RNF10: variants seen among roughly 807,000 people sequenced by gnomAD.
The protein encoded by RNF10 is E3 ubiquitin-protein ligase RNF10.
In RNF10, 38 loss-of-function variants were observed where a neutral mutation model predicts 91.4. That is an observed-to-expected ratio of 0.42 (90% CI 0.32 to 0.54). The LOEUF (loss-of-function observed/expected upper bound fraction) is 0.54. Ranked by LOEUF, RNF10 falls within the 20% of genes least tolerant of loss-of-function variation. The pLI, the probability that RNF10 is intolerant of heterozygous loss-of-function variation, is 0.16. For missense variants in RNF10, 945 were observed against 1,012.0 expected (o/e 0.93, Z 0.90); for synonymous variants, 364 against 366.3 (o/e 0.99, Z 0.07).
In RNF10 at chr12:120,563,373, C is replaced by T. The variant is rs745831090; in HGVS notation, c.1281C>T (p.Phe427=). 79 of 1,612,746 alleles carry T rather than the reference C, an allele frequency of 4.9e-5. No individual in the cohort carries two copies. The highest frequency in any genetic ancestry group is 1.6e-4 in the Middle Eastern group (1 of 6,078). ...RKGVLEYLSA[F]DEETTEVCSL... The stretch of plus-strand genomic sequence containing the variant: ...GTGTGCTGGAGTATCTGTCTGCCTT[C>T]GATGAAGAAACCACGGAAGTTTGTT... The change falls in exon 9 of 17, where the codon TTC becomes TTT. Residue 427 remains phenylalanine (F), a synonymous_variant. Coordinates refer to ENST00000325954, the MANE Select transcript of RNF10 (RefSeq NM_014868.5).
At position 120,577,161 on chromosome 12, in the gene RNF10, T is replaced by C; in HGVS notation, c.*495T>C. ...AACAGGGGTGGGAATAAAATGGATTTAGGACACCCAGTTTGAATTGCAGTT... is the reference window on the plus strand; with the variant it reads ...AACAGGGGTGGGAATAAAATGGATTCAGGACACCCAGTTTGAATTGCAGTT... On this transcript the variant is annotated 3_prime_UTR_variant, in exon 17 of 17. Coordinates refer to ENST00000325954, the MANE Select transcript of RNF10 (RefSeq NM_014868.5). The C allele has an allele frequency of 2.2e-6, 1 of 452,024 alleles. No individual in the cohort carries two copies. The highest frequency in any genetic ancestry group is 1.6e-5 in the South Asian group (1 of 63,386). 28.0% of individuals were successfully genotyped at this position (452,024 alleles called of 1,614,324 possible).
In RNF10 at chr12:120,566,716, C is replaced by G. The variant is rs558463759; in HGVS notation, c.1886-109C>G. 8.8e-5 allele frequency: 90 copies of G among 1,025,158 alleles called. No homozygotes were observed. The African/African-American group carries it at 1.4e-3, about 16-fold the overall frequency. 63.5% of individuals were successfully genotyped at this position (1,025,158 alleles called of 1,614,324 possible). ...GGCAGAGGATGCAGTGAACAGAGAT[C>G]GTACCACTACACTCCAGCCTGGGTG... On this transcript the variant is annotated intron_variant, in intron 12 of 16. Coordinates refer to ENST00000325954, the MANE Select transcript of RNF10 (RefSeq NM_014868.5).
At chr12:120,546,016 G>A (rs1872275093) in intron 1 of RNF10, among the ~76,000 whole-genome samples, 1 of 152,160 alleles carries the variant, frequency 6.6e-6, no homozygotes, top group African/African-American at 2.4e-5. Flanking sequence ...AATTTAAAAA[G>A]GAATCTCTTC....
At chr12:120,546,265 T>G in intron 1 of RNF10, 140 bp from the exon 2 acceptor site, 1 of 682,036 alleles carries the variant, frequency 1.5e-6, no homozygotes, top group South Asian at 1.9e-5. Context: ...CTCAAAGCAC[T>G]CATGCTCTGG....
intron 1 of RNF10, among the ~76,000 whole-genome samples, chr12:120,544,683 T>C (rs760961446): frequency 2.0e-5 from 3 of 152,120 alleles, no homozygotes; most frequent in Non-Finnish European, 4.4e-5. Context: ...TAAGTAATTA[T>C]TATGTTGTTA....
chr12:120,557,017 G>A (rs1874130023), intron 4 of RNF10, among the ~76,000 whole-genome samples: 1 of 148,396 alleles, frequency 6.7e-6, no homozygotes, highest in Admixed American at 6.9e-5. Context: ...GGTGGCAGGC[G>A]CCTGTAGTCC....
rs1308458622 is a variant in RNF10 at position 120,576,707 on chromosome 12, T to G, written c.*41T>G. ...CTACCTTCTCCATCTGGTTTTTGTTTTTGTTTTTTTTTCCCCCATGCTTTT... is the reference window on the plus strand; with the variant it reads ...CTACCTTCTCCATCTGGTTTTTGTTGTTGTTTTTTTTTCCCCCATGCTTTT... On this transcript the variant is annotated 3_prime_UTR_variant, in exon 17 of 17. Transcript: ENST00000325954. 2 of 1,591,134 alleles carry G rather than the reference T, an allele frequency of 1.3e-6. No individual in the cohort carries two copies. Among genetic ancestry groups the G allele is most frequent in the Middle Eastern group, 1.7e-4 (1 of 5,934 alleles).
chr12:120,540,226 G>A (rs1458680806), intron 1 of RNF10, among the ~76,000 whole-genome samples: 3 of 151,650 alleles, frequency 2.0e-5, no homozygotes, highest in Non-Finnish European at 4.4e-5. Flanking sequence ...GCCTCCCAAA[G>A]TGCTGGGGTT....
chr12:120,573,986 C>T (rs899866996), intron 14 of RNF10, among the ~76,000 whole-genome samples: 5 of 152,166 alleles, frequency 3.3e-5, no homozygotes, highest in African/African-American at 1.2e-4. Context: ...AATAGGTCTC[C>T]CATCCCCCAG....
chr12:120,560,909 C>A (rs753757052), intron 7 of RNF10, 23 bp downstream of exon 7: 3 of 1,605,244 alleles, frequency 1.9e-6, no homozygotes, highest in African/African-American at 1.3e-5. Context: ...ATTGGAGATG[C>A]TAAACCTTTT....
chr12:120,576,096 C>T (rs1195563879), intron 16 of RNF10, 146 bp downstream of exon 16: 1 of 833,710 alleles, frequency 1.2e-6, no homozygotes, highest in Non-Finnish European at 1.9e-6. Context: ...TTAAATAATA[C>T]TCCATTTGGT....
intron 6 of RNF10, 69 bp downstream of exon 6, chr12:120,557,751 G>C (rs1874254159): frequency 2.0e-5 from 31 of 1,551,504 alleles, no homozygotes; most frequent in Non-Finnish European, 2.6e-5. Flanking sequence ...ATATATCTAA[G>C]CATCAGAAAG....
intron 2 of RNF10, among the ~76,000 whole-genome samples, chr12:120,550,968 C>G (rs1872961272): frequency 6.6e-6 from 1 of 151,730 alleles, no homozygotes; most frequent in Admixed American, 6.6e-5. Flanking sequence ...TGGTATACCA[C>G]CAGTTGTATT....
chr12:120,544,684 TATG>T (rs1323166116), intron 1 of RNF10, among the ~76,000 whole-genome samples: 3 of 152,138 alleles, frequency 2.0e-5, no homozygotes, highest in African/African-American at 4.8e-5. Flanking sequence ...AAGTAATTAT[TATG>T]TTGTTAGAGT....
intron 14 of RNF10, chr12:120,574,533 A>G: frequency 2.2e-6 from 1 of 456,110 alleles, no homozygotes; most frequent in Non-Finnish European, 4.4e-6. Flanking sequence ...AAAGCAGACT[A>G]AAAGGTAGTG....
intron 1 of RNF10, among the ~76,000 whole-genome samples, chr12:120,543,400 C>T (rs911075003): frequency 6.6e-6 from 1 of 152,166 alleles, no homozygotes; most frequent in Non-Finnish European, 1.5e-5. Context: ...AATCCCAGCA[C>T]TTTGGGAGGC....
At chr12:120,537,625 G>T (rs1379781856) in intron 1 of RNF10, among the ~76,000 whole-genome samples, 1 of 152,118 alleles carries the variant, frequency 6.6e-6, no homozygotes, top group Non-Finnish European at 1.5e-5. Context: ...AAAAACTCAT[G>T]TAAAGGCCCT....
chr12:120,546,688 G>C (rs1164623071), intron 2 of RNF10, 87 bp downstream of exon 2: 5 of 1,200,020 alleles, frequency 4.2e-6, no homozygotes, highest in Non-Finnish European at 5.9e-6. Context: ...TAGTTGAGAA[G>C]GGGAACAAGA....
intron 2 of RNF10, among the ~76,000 whole-genome samples, chr12:120,548,065 G>C (rs1872565189): frequency 1.3e-5 from 2 of 152,192 alleles, no homozygotes; most frequent in African/African-American, 4.8e-5. Flanking sequence ...GCCCAATTCA[G>C]GTACCTTTTG....
Sources: gnomAD v4.1 joint callset for allele counts (sites outside exome capture counted in the v4.1 genomes callset) on GRCh38, gnomAD v4.1.1 for gene constraint, MANE v1.5 for transcripts, NCBI Gene and HGNC (gene_info 2026-07-23, HGNC 2026-07-21) for gene names.